Variants in SRRD observed in about 807,000 individuals in gnomAD.
SRRD encodes the protein SRR1 domain containing.
SRRD carries 28 observed loss-of-function variants against 30.7 expected under a neutral mutation model. That is an observed-to-expected ratio of 0.91 (90% confidence interval 0.68 to 1.25). The LOEUF is 1.25. Among genes scored for constraint, SRRD ranks in the 50% most tolerant of loss-of-function variants. SRRD has a pLI of 0.00. For synonymous variants in SRRD, 161 were observed against 159.6 expected, an observed-to-expected ratio of 1.01 and a Z score of -0.07; for missense variants, 415 against 417.3, an observed-to-expected ratio of 0.99 and a Z score of 0.05.
rs71192931 is a variant in SRRD at position 26,490,559 on chromosome 22, CTTTTTT to C, written c.764+378_764+383del. Among the ~76,000 whole-genome samples, 126 of 51,848 alleles carry C rather than the reference CTTTTTT, an allele frequency of 2.4e-3. 3 individuals carry two copies. In the East Asian group the frequency reaches 0.047, roughly 19 times the overall value. The allele number at this position is 51,848 out of a possible 152,430, so 34.0% of individuals were successfully genotyped here. On this transcript the variant is annotated intron_variant, in intron 5 of 6. Transcript: ENST00000215917. Reference sequence around the variant, plus strand: ...ATGGGCACAATTACTGGAATATTTGCTTTTTTTTTTTTTTTTTTTTTTGAGATGGAG... The same window carrying C: ...ATGGGCACAATTACTGGAATATTTGCTTTTTTTTTTTTTTTTGAGATGGAG...
In SRRD at chr22:26,491,805, G is replaced by A; in HGVS notation, c.*133G>A. 2 of 965,120 alleles carry A rather than the reference G, an allele frequency of 2.1e-6. No individual in the cohort carries two copies. The highest frequency in any genetic ancestry group is 1.7e-5 in the South Asian group (1 of 59,330). 59.8% of individuals were successfully genotyped at this position (965,120 alleles called of 1,614,324 possible). On this transcript the variant is annotated 3_prime_UTR_variant, in exon 7 of 7. Coordinates refer to ENST00000215917, the MANE Select transcript of SRRD (RefSeq NM_001013694.3). The stretch of plus-strand genomic sequence containing the variant: ...ATCAACTTGGCTGTCCTGTTTTGAG[G>A]ACGATACCCCACATGAGGACTTGGT...
At chr22:26,485,788 T>C (rs1445576349) in intron 1 of SRRD, among the ~76,000 whole-genome samples, 1 of 152,222 alleles carries the variant, frequency 6.6e-6, no homozygotes, top group African/African-American at 2.4e-5. Flanking sequence ...GATCTCTCTC[T>C]GGGAATCAAG....
Position 26,491,975 on chromosome 22 carries a change from A to C in SRRD, c.*303A>C. 1 of 1,536,462 alleles carries C rather than the reference A, an allele frequency of 6.5e-7. No homozygotes were observed. ...TGTTTATTTACAGTACATCCCTCTTAGGGGCAAGTCTCTGACTGGTTCTGG... is the reference window on the plus strand; with the variant it reads ...TGTTTATTTACAGTACATCCCTCTTCGGGGCAAGTCTCTGACTGGTTCTGG... On this transcript the variant is annotated 3_prime_UTR_variant, in exon 7 of 7. Transcript: ENST00000215917.
Position 26,491,529 on chromosome 22 carries a change from A to T in SRRD, c.877A>T (p.Thr293Ser). ...ACAATACATGGACATATTTAATGAT[A>T]CCTCTGTCCACTGGTTCCCTGTGCA... ...TSQYMDIFND[T>S]SVHWFPVQKL... Residue 293 changes from threonine (T) to serine (S), a missense_variant, in exon 7 of 7, where the codon ACC becomes TCC. By Grantham distance (58) the Thr-to-Ser change is moderately conservative. Transcript: ENST00000215917. The T allele has an allele frequency of 6.2e-7, 1 of 1,614,092 alleles. No homozygotes were observed. Among genetic ancestry groups the T allele is most frequent in the Admixed American group, 1.7e-5 (1 of 60,022 alleles).
chr22:26,490,712 C>T (rs1452215154), intron 5 of SRRD: 2 of 309,566 alleles, frequency 6.5e-6, no homozygotes, highest in South Asian at 3.8e-5. Flanking sequence ...TACAGATGCA[C>T]ACCAGGACGC....
chr22:26,485,619 A>T (rs1340232983), intron 1 of SRRD, among the ~76,000 whole-genome samples: 1 of 152,182 alleles, frequency 6.6e-6, no homozygotes, highest in East Asian at 1.9e-4. Flanking sequence ...ATGTTAACCC[A>T]TTTTATGCCT....
chr22:26,487,542 G>A (rs2091717364), intron 2 of SRRD, among the ~76,000 whole-genome samples: 1 of 151,752 alleles, frequency 6.6e-6, no homozygotes, highest in South Asian at 2.1e-4. Flanking sequence ...TGTATTTTTA[G>A]TAGAGATGGG....
Position 26,494,406 on chromosome 22 carries a change from G to C in SRRD, c.*2734G>C, listed in dbSNP as rs1480501641. The C allele has an allele frequency of 7.4e-7, 1 of 1,349,832 alleles. No individual in the cohort carries two copies. The highest frequency in any genetic ancestry group is 1.4e-5 in the African/African-American group (1 of 69,520). The allele number at this position is 1,349,832 out of a possible 1,614,324, so 83.6% of individuals were successfully genotyped here. On this transcript the variant is annotated 3_prime_UTR_variant, in exon 7 of 7. Transcript: ENST00000215917. ...GTTTTGATCCTGGTCCTACAGGCTA[G>C]TGACACTACTTTACAGGGATTTATA... is the stretch of plus-strand genomic sequence containing the variant.
rs200343279 is a variant in SRRD at position 26,492,411 on chromosome 22, G to C, written c.*739G>C. ...AGGGCGGTGAGGAGAGGTGTTTCCAGGTGTATGGAAGTTGACACTGTGGCT... is the reference window on the plus strand; with the variant it reads ...AGGGCGGTGAGGAGAGGTGTTTCCACGTGTATGGAAGTTGACACTGTGGCT... On this transcript the variant is annotated 3_prime_UTR_variant, in exon 7 of 7. Coordinates refer to ENST00000215917, the MANE Select transcript of SRRD (RefSeq NM_001013694.3). 6.3e-7 allele frequency: 1 copy of C among 1,582,218 alleles called. No homozygotes were observed. The highest frequency in any genetic ancestry group is 8.7e-7 in the Non-Finnish European group (1 of 1,155,754).
chr22:26,489,769 A>G (rs1394202493), intron 4 of SRRD, among the ~76,000 whole-genome samples: 1 of 152,176 alleles, frequency 6.6e-6, no homozygotes, highest in African/African-American at 2.4e-5. Flanking sequence ...TAGACCCAGG[A>G]AGCCCCTCCA....
At position 26,490,559 on chromosome 22, in the gene SRRD, C is replaced by CTTTTTTTTTTT. The variant is rs71192931; in HGVS notation, c.764+373_764+383dup. The stretch of plus-strand genomic sequence containing the variant: ...ATGGGCACAATTACTGGAATATTTG[C>CTTTTTTTTTTT]TTTTTTTTTTTTTTTTTTTTTTGAG... On this transcript the variant is annotated intron_variant, in intron 5 of 6. Transcript: ENST00000215917. Among the ~76,000 whole-genome samples, 211 of 51,850 alleles carry CTTTTTTTTTTT rather than the reference C, an allele frequency of 4.1e-3. 63 individuals are homozygous for CTTTTTTTTTTT. Among genetic ancestry groups the CTTTTTTTTTTT allele is most frequent in the South Asian group, 0.011 (11 of 964 alleles). 34.0% of individuals were successfully genotyped at this position (51,850 alleles called of 152,430 possible).
In SRRD at chr22:26,484,108, A is replaced by G. The variant is rs772783185; in HGVS notation, c.209+9A>G. On this transcript the variant is annotated intron_variant, in intron 1 of 6. Transcript: ENST00000215917. ...CGCATCTGGGAGGCTGAGTGAGTGC[A>G]GGCTCGGCCCTGATGGAATCTTTGC... is the stretch of plus-strand genomic sequence containing the variant. 1.1e-5 allele frequency: 17 copies of G among 1,522,652 alleles called. No homozygotes were observed. Among genetic ancestry groups the G allele is most frequent in the South Asian group, 8.4e-5 (7 of 83,520 alleles). The allele number at this position is 1,522,652 out of a possible 1,614,324, so 94.3% of individuals were successfully genotyped here. A position where few individuals can be genotyped will look rare whatever the true frequency, so the allele number is the denominator to read the frequency against.
chr22:26,490,951 TTGAA>T, intron 5 of SRRD, 70 bp from the exon 6 acceptor site: 9 of 1,385,346 alleles, frequency 6.5e-6, no homozygotes, highest in Non-Finnish European at 9.1e-6. Flanking sequence ...GTCTTAAAAG[TTGAA>T]TGAAACTATC....
chr22:26,491,970 C>T lies in SRRD; in HGVS notation c.*298C>T, dbSNP rs774949405. 7 of 1,528,464 alleles carry T rather than the reference C, an allele frequency of 4.6e-6. No individual in the cohort carries two copies. Among genetic ancestry groups the T allele is most frequent in the Non-Finnish European group, 6.2e-6 (7 of 1,126,688 alleles). The allele number at this position is 1,528,464 out of a possible 1,614,324, so 94.7% of individuals were successfully genotyped here. A position where few individuals can be genotyped will look rare whatever the true frequency, so the allele number is the denominator to read the frequency against. ...AATACTGTTTATTTACAGTACATCC[C>T]TCTTAGGGGCAAGTCTCTGACTGGT... is the stretch of plus-strand genomic sequence containing the variant. On this transcript the variant is annotated 3_prime_UTR_variant, in exon 7 of 7. Transcript: ENST00000215917.
rs369616256 is a variant in SRRD at position 26,488,373 on chromosome 22, T to G, written c.511-17T>G. ...AGATGTTTGGGTTGAAGTAAACAAC[T>G]CATTCTTCCCTTCTAGATTCCCAGA... is the stretch of plus-strand genomic sequence containing the variant. On this transcript the variant is annotated splice_polypyrimidine_tract_variant and intron_variant, in intron 3 of 6. Transcript: ENST00000215917. The G allele has an allele frequency of 6.2e-7, 1 of 1,613,568 alleles. No individual in the cohort carries two copies. The highest frequency in any genetic ancestry group is 1.3e-5 in the African/African-American group (1 of 74,936).
At position 26,488,254 on chromosome 22, in the gene SRRD, T is replaced by G; in HGVS notation, c.476T>G (p.Leu159Arg). 6.2e-7 allele frequency: 1 copy of G among 1,614,126 alleles called. No individual in the cohort carries two copies. The highest frequency in any genetic ancestry group is 8.5e-7 in the Non-Finnish European group (1 of 1,179,960). Reference sequence around the variant, plus strand: ...ACCTGCATCGTAGCTAGAAACCAGCTAACGTTTTTGCTGCTTTTGTTGGAA... The same window carrying G: ...ACCTGCATCGTAGCTAGAAACCAGCGAACGTTTTTGCTGCTTTTGTTGGAA... ...FATCIVARNQ[L>R]TFLLLLLEKC... The change falls in exon 3 of 7, where the codon CTA becomes CGA. Residue 159 changes from leucine to arginine, a missense_variant. By Grantham distance (102) the Leu-to-Arg change is moderately radical (BLOSUM62 -2). Coordinates refer to ENST00000215917, the MANE Select transcript of SRRD (RefSeq NM_001013694.3).
Position 26,494,117 on chromosome 22 carries a change from C to T in SRRD, c.*2445C>T, listed in dbSNP as rs1416149750. The T allele has an allele frequency of 1.2e-6, 2 of 1,610,200 alleles. No homozygotes were observed. Among genetic ancestry groups the T allele is most frequent in the African/African-American group, 2.7e-5 (2 of 74,840 alleles). ...ATCTGAAACTTGGGGCCAGGACATC[C>T]AAAATGGGAATCCTCACTTACCAAC... On this transcript the variant is annotated 3_prime_UTR_variant, in exon 7 of 7. Coordinates refer to ENST00000215917, the MANE Select transcript of SRRD (RefSeq NM_001013694.3).
Position 26,490,177 on chromosome 22 carries a change from GT to G in SRRD, c.746del (p.Phe249SerfsTer24). The part of the protein sequence containing the change: ...ALSKMVIIGN[S>X]FKGLEERLLA... ...TCTAAGATGGTCATCATTGGGAACA[GT>G]TTCAAAGGACTTGAGGAGAGGTAAG... On this transcript the variant is annotated frameshift_variant, in exon 5 of 7. Transcript: ENST00000215917. LOFTEE classifies it high-confidence loss of function. The G allele has an allele frequency of 6.2e-7, 1 of 1,614,176 alleles. No homozygotes were observed. The highest frequency in any genetic ancestry group is 8.5e-7 in the Non-Finnish European group (1 of 1,180,034).
In SRRD at chr22:26,483,955, C is replaced by A; in HGVS notation, c.65C>A (p.Ser22Tyr). ...WQAAAPRKRRSAARRPRRREA... is the reference protein window; with the variant it reads ...WQAAAPRKRRYAARRPRRREA... ...GCGGCGGCTCCGCGGAAGAGGCGCT[C>A]CGCGGCTCGACGGCCGCGGCGGAGG... The change falls in exon 1 of 7, where the codon TCC (serine) becomes TAC (tyrosine). Residue 22 changes from serine (S) to tyrosine (Y), a missense_variant. Transcript: ENST00000215917. 7.4e-7 allele frequency: 1 copy of A among 1,343,440 alleles called. No homozygotes were observed. The highest frequency in any genetic ancestry group is 1.8e-5 in the South Asian group (1 of 57,114). 83.2% of individuals were successfully genotyped at this position (1,343,440 alleles called of 1,614,324 possible).
Sources: gnomAD v4.1 joint callset for allele counts (sites outside exome capture counted in the v4.1 genomes callset) on GRCh38, gnomAD v4.1.1 for gene constraint, MANE v1.5 for transcripts, NCBI Gene and HGNC (gene_info 2026-07-23, HGNC 2026-07-21) for gene names.